TRA2A: variants seen among roughly 807,000 people sequenced by gnomAD.
TRA2A encodes transformer-2 protein homolog alpha.
TRA2A carries 31 observed loss-of-function variants against 45.7 expected under a neutral mutation model. That is an observed-to-expected ratio of 0.68 (90% CI 0.51 to 0.92). The LOEUF (loss-of-function observed/expected upper bound fraction) is 0.92. Among genes scored for constraint, TRA2A ranks in the 40% least tolerant of loss-of-function variants. The pLI, the probability that TRA2A is intolerant of heterozygous loss-of-function variation, is 0.00. For missense variants in TRA2A, 304 were observed against 367.5 expected, an observed-to-expected ratio of 0.83 and a Z score of 1.41; for synonymous variants, 132 against 126.2, an observed-to-expected ratio of 1.05 and a Z score of -0.31.
At chr7:23,522,290 T>TGAA in intron 1 of TRA2A, 1 of 1,146,866 alleles carries the variant, frequency 8.7e-7, no homozygotes, top group Non-Finnish European at 1.1e-6. Context: ...CAAGTGCTTC[T>TGAA]ATCTGACCAA....
At chr7:23,530,272 C>CAGG (rs1442595134) in intron 1 of TRA2A, among the ~76,000 whole-genome samples, 2 of 152,118 alleles carry the variant, frequency 1.3e-5, no homozygotes, top group African/African-American at 4.8e-5. Context: ...CATTTGTTTC[C>CAGG]ATGCTCCAAA....
intron 1 of TRA2A, among the ~76,000 whole-genome samples, chr7:23,525,452 C>A (rs1185058316): frequency 6.6e-6 from 1 of 152,112 alleles, no homozygotes; most frequent in Non-Finnish European, 1.5e-5. Context: ...ATACACTGCC[C>A]GGTTTAAATG....
At chr7:23,511,502 G>A (rs919443864) in intron 4 of TRA2A, among the ~76,000 whole-genome samples, 3 of 147,928 alleles carry the variant, frequency 2.0e-5, no homozygotes, top group African/African-American at 5.0e-5. Flanking sequence ...TTAAAAGACA[G>A]AAGGTCTAAC....
chr7:23,513,311 G>C (rs1242102032), intron 3 of TRA2A, among the ~76,000 whole-genome samples: 1 of 152,106 alleles, frequency 6.6e-6, no homozygotes, highest in Admixed American at 6.6e-5. Context: ...GAATTAAAAT[G>C]TTCTTACTCT....
chr7:23,521,154 G>T (rs1790119511), intron 2 of TRA2A, among the ~76,000 whole-genome samples: 1 of 152,196 alleles, frequency 6.6e-6, no homozygotes, highest in African/African-American at 2.4e-5. Flanking sequence ...ACGCTGGACA[G>T]AGTCAGAATC....
chr7:23,510,982 C>T (rs1789574694), intron 4 of TRA2A, among the ~76,000 whole-genome samples: 1 of 152,086 alleles, frequency 6.6e-6, no homozygotes, highest in African/African-American at 2.4e-5. Context: ...GAGACTGATT[C>T]TATGTTATGG....
intron 2 of TRA2A, among the ~76,000 whole-genome samples, chr7:23,516,997 A>G (rs1409444635): frequency 2.6e-5 from 4 of 152,132 alleles, no homozygotes; most frequent in Non-Finnish European, 5.9e-5. Context: ...AATTCCAGCT[A>G]CTTGGGAGGC....
intron 4 of TRA2A, among the ~76,000 whole-genome samples, chr7:23,511,825 A>G (rs1652372254): frequency 6.6e-6 from 1 of 152,232 alleles, no homozygotes; most frequent in Non-Finnish European, 1.5e-5. Context: ...TAGGCAAGTT[A>G]AGAATAGCAC....
At chr7:23,514,033 T>C (rs1357304794) in intron 3 of TRA2A, among the ~76,000 whole-genome samples, 2 of 151,918 alleles carry the variant, frequency 1.3e-5, no homozygotes, top group Non-Finnish European at 2.9e-5. Flanking sequence ...GCTAAGAACA[T>C]AAAGTACATT....
At chr7:23,530,426 G>T (rs1403038448) in intron 1 of TRA2A, among the ~76,000 whole-genome samples, 1 of 152,136 alleles carries the variant, frequency 6.6e-6, no homozygotes, top group East Asian at 1.9e-4. Context: ...TTTGGTTCTA[G>T]ATGTTTATAT....
intron 2 of TRA2A, among the ~76,000 whole-genome samples, chr7:23,520,788 G>C (rs1047740577): frequency 6.6e-6 from 1 of 150,942 alleles, no homozygotes; most frequent in Non-Finnish European, 1.5e-5. Context: ...CGCCTCCTGG[G>C]TTCAAGCGAT....
chr7:23,508,464 G>A (rs1215257371), intron 4 of TRA2A, among the ~76,000 whole-genome samples: 2 of 151,924 alleles, frequency 1.3e-5, no homozygotes, highest in Non-Finnish European at 2.9e-5. Flanking sequence ...TAGAGAAGGG[G>A]TCTAAACAGT....
chr7:23,530,076 T>C (rs1440367150), intron 1 of TRA2A, among the ~76,000 whole-genome samples: 1 of 152,162 alleles, frequency 6.6e-6, no homozygotes, highest in African/African-American at 2.4e-5. Context: ...TCCCCCAATT[T>C]TTTAACAATG....
At chr7:23,508,703 C>T (rs1789453352) in intron 4 of TRA2A, among the ~76,000 whole-genome samples, 2 of 152,178 alleles carry the variant, frequency 1.3e-5, no homozygotes, top group South Asian at 4.1e-4. Flanking sequence ...ACCATGTTGG[C>T]CAGGATGGTC....
intron 6 of TRA2A, 23 bp downstream of exon 6, chr7:23,506,115 G>C: frequency 6.3e-7 from 1 of 1,585,322 alleles, no homozygotes; most frequent in South Asian, 1.1e-5. Context: ...ATTTAGAACA[G>C]AAAGCTCAAG....
intron 4 of TRA2A, among the ~76,000 whole-genome samples, chr7:23,508,679 A>T (rs1293203483): frequency 6.6e-6 from 1 of 152,122 alleles, no homozygotes; most frequent in Non-Finnish European, 1.5e-5. Flanking sequence ...TATTTTTAGT[A>T]GAGATGGGGT....
In TRA2A at chr7:23,513,051, A is replaced by C. The variant is rs746723003; in HGVS notation, c.368T>G (p.Val123Gly). 1 of 1,608,578 alleles carries C rather than the reference A, an allele frequency of 6.2e-7. No homozygotes were observed. The highest frequency in any genetic ancestry group is 8.5e-7 in the Non-Finnish European group (1 of 1,177,988). ...ANPDPNTCLG[V>G]FGLSLYTTER... The stretch of plus-strand genomic sequence containing the variant: ...TGTTGTGTACAAACTGAGGCCAAAC[A>C]CTCCAAGGCAAGTGTTGGGATCTGG... The change falls in exon 4 of 8, where the codon GTG becomes GGG. Residue 123 changes from valine to glycine, a missense_variant. This residue lies in a region of TRA2A where 130 missense variants were observed against 217.1 expected (regional missense o/e 0.60). Transcript: ENST00000297071.
chr7:23,529,832 A>G (rs1790496636), intron 1 of TRA2A, among the ~76,000 whole-genome samples: 1 of 147,950 alleles, frequency 6.8e-6, no homozygotes, highest in Non-Finnish European at 1.5e-5. Flanking sequence ...CATATACTTT[A>G]GCTTAAAAGT....
intron 2 of TRA2A, among the ~76,000 whole-genome samples, chr7:23,518,901 G>A (rs1028969434): frequency 2.1e-4 from 32 of 152,024 alleles, no homozygotes; most frequent in African/African-American, 6.8e-4. Context: ...TGGCCAGGAT[G>A]GTCTAGAACT....
Sources: allele counts gnomAD v4.1 joint callset (sites outside exome capture counted in the v4.1 genomes callset), GRCh38; gene constraint gnomAD v4.1.1; regional missense constraint gnomAD v4.1.1; transcripts MANE v1.5; gene names NCBI Gene and HGNC (gene_info 2026-07-23, HGNC 2026-07-21).